The following NCKAP5 variants were observed in gnomAD, a reference collection of about 807,000 sequenced individuals.
NCKAP5 encodes nck-associated protein 5.
A neutral mutation model predicts 167.0 loss-of-function variants in NCKAP5; 92 were observed. The observed-to-expected ratio is 0.55, with a 90% CI of 0.47 to 0.66. The LOEUF is 0.66. Ranked by LOEUF, NCKAP5 falls within the 30% of genes least tolerant of loss-of-function variation. NCKAP5 has a pLI of 0.00. For synonymous variants in NCKAP5, 891 were observed against 877.4 expected, an observed-to-expected ratio of 1.02 and a Z score of -0.27; for missense variants, 2,378 against 2,315.0, an observed-to-expected ratio of 1.03 and a Z score of -0.56.
the NCKAP5 span, among the ~76,000 whole-genome samples, chr2:133,634,874 C>CT: frequency 0.067 from 9,589 of 143,418 alleles, 404 homozygotes; most frequent in African/African-American, 0.11. Flanking sequence ...TCTTTTCTTT[C>CT]TTTTTTTTTT....
intron 5 of NCKAP5, among the ~76,000 whole-genome samples, chr2:133,181,703 C>T (rs537500192): frequency 2.8e-4 from 41 of 148,550 alleles, no homozygotes; most frequent in African/African-American, 7.5e-4. Context: ...GCTTGACCCT[C>T]GGAGGCAGAG....
intron 6 of NCKAP5, among the ~76,000 whole-genome samples, chr2:132,995,864 C>T (rs932593361): frequency 3.1e-4 from 47 of 151,958 alleles, no homozygotes; most frequent in African/African-American, 1.1e-3. Context: ...AATCCAGCTA[C>T]TCCGGAGGCT....
chr2:133,376,961 T>C (rs1301731376), intron 3 of NCKAP5, among the ~76,000 whole-genome samples: 1 of 152,194 alleles, frequency 6.6e-6, no homozygotes, highest in Non-Finnish European at 1.5e-5. Flanking sequence ...CAAAAGAAAT[T>C]GTAAGTAGTG....
At chr2:133,439,716 A>C (rs377012134) in intron 3 of NCKAP5, among the ~76,000 whole-genome samples, 10 of 152,322 alleles carry the variant, frequency 6.6e-5, no homozygotes, top group South Asian at 2.1e-4. Context: ...ATGAGTCAGT[A>C]TACCCCTATA....
intron 8 of NCKAP5, among the ~76,000 whole-genome samples, chr2:132,923,919 T>C (rs573542609): frequency 6.6e-6 from 1 of 152,306 alleles, no homozygotes; most frequent in South Asian, 2.1e-4. Context: ...CTAACCATAT[T>C]TGGATAGGAT....
chr2:133,342,032 G>A (rs1258690371), intron 3 of NCKAP5, among the ~76,000 whole-genome samples: 1 of 151,986 alleles, frequency 6.6e-6, no homozygotes, highest in Admixed American at 6.6e-5. Flanking sequence ...TCAGCCTCCC[G>A]GGTTCACGCC....
At chr2:133,668,770 A>G in the NCKAP5 span, among the ~76,000 whole-genome samples, 1 of 152,128 alleles carries the variant, frequency 6.6e-6, no homozygotes, top group Non-Finnish European at 1.5e-5. Context: ...CAAATGTGGC[A>G]TGTTTTCAGC....
At chr2:133,650,876 T>A in the NCKAP5 span, among the ~76,000 whole-genome samples, 1 of 152,122 alleles carries the variant, frequency 6.6e-6, no homozygotes, top group Non-Finnish European at 1.5e-5. Flanking sequence ...AGCAAGACTC[T>A]GTCTTAAATA....
intron 19 of NCKAP5, among the ~76,000 whole-genome samples, chr2:132,704,604 T>C (rs1008368881): frequency 6.6e-6 from 1 of 152,222 alleles, no homozygotes; most frequent in Admixed American, 6.5e-5. Flanking sequence ...ATACTTAAAC[T>C]CAACAGTCCT....
intron 3 of NCKAP5, among the ~76,000 whole-genome samples, chr2:133,448,328 T>C (rs922571967): frequency 2.0e-5 from 3 of 151,952 alleles, no homozygotes; most frequent in African/African-American, 7.3e-5. Context: ...AAATCAAACC[T>C]TTGAATCATT....
intron 9 of NCKAP5, among the ~76,000 whole-genome samples, chr2:132,870,853 G>A (rs371533183): frequency 7.3e-5 from 11 of 151,542 alleles, no homozygotes; most frequent in African/African-American, 2.7e-4. Flanking sequence ...TTAAAACACA[G>A]GCTGTCATCA....
chr2:133,047,377 G>A (rs1379020304), intron 6 of NCKAP5, among the ~76,000 whole-genome samples: 1 of 152,162 alleles, frequency 6.6e-6, no homozygotes, highest in African/African-American at 2.4e-5. Context: ...AGTCATTAAC[G>A]TTGCCAAGAC....
intron 8 of NCKAP5, among the ~76,000 whole-genome samples, chr2:132,943,063 T>A (rs1697419554): frequency 6.6e-6 from 1 of 152,172 alleles, no homozygotes; most frequent in Non-Finnish European, 1.5e-5. Context: ...AAGTAAGAGG[T>A]TCTGGGACTT....
chr2:133,189,076 G>T (rs1262753584), intron 5 of NCKAP5, among the ~76,000 whole-genome samples: 1 of 151,910 alleles, frequency 6.6e-6, no homozygotes, highest in Non-Finnish European at 1.5e-5. Flanking sequence ...GAATCAAATA[G>T]ACACAATAAA....
At position 132,849,226 on chromosome 2, in the gene NCKAP5, G is replaced by GATCCAGCAATCCAGCC. The variant is rs376065021; in HGVS notation, c.807+11265_807+11266insGGCTGGATTGCTGGAT. Among the ~76,000 whole-genome samples the GATCCAGCAATCCAGCC allele has an allele frequency of 7.6e-3, 1,153 of 152,116 alleles. 14 individuals are homozygous for GATCCAGCAATCCAGCC. Among genetic ancestry groups the GATCCAGCAATCCAGCC allele is most frequent in the African/African-American group, 0.027 (1,102 of 41,458 alleles). The stretch of plus-strand genomic sequence containing the variant: ...TTCTCAGATACTCAAAGGATTCTGT[G>GATCCAGCAATCCAGCC]ATCCAGCCATGGCTCCCCCTCTTTT... On this transcript the variant is annotated intron_variant, in intron 11 of 19. Transcript: ENST00000409261.
rs930020596 is a variant in NCKAP5, at chr2:132,671,939, A to G, written c.*1350T>C. ...ATTAACCAAATAACACTGATCATAC[A>G]ATACTCTTTAAAGAAACAATTATGT... On this transcript the variant is annotated 3_prime_UTR_variant, in exon 20 of 20. Transcript: ENST00000409261. 1.3e-5 allele frequency: 2 copies of G among 152,674 alleles called. No individual in the cohort carries two copies. The highest frequency in any genetic ancestry group is 1.3e-4 in the Admixed American group (2 of 15,280). 9.5% of individuals were successfully genotyped at this position (152,674 alleles called of 1,614,324 possible).
At chr2:133,016,626 T>C (rs2078347296) in intron 6 of NCKAP5, among the ~76,000 whole-genome samples, 1 of 152,134 alleles carries the variant, frequency 6.6e-6, no homozygotes, top group Non-Finnish European at 1.5e-5. Context: ...CATAATAAAA[T>C]GAGAGAAGGT....
chr2:133,216,343 G>C (rs2086428573), intron 4 of NCKAP5, among the ~76,000 whole-genome samples: 1 of 151,994 alleles, frequency 6.6e-6, no homozygotes, highest in African/African-American at 2.4e-5. Flanking sequence ...AACCAATCTG[G>C]ACTGCAGCAA....
rs140539400 is a variant in NCKAP5, at chr2:132,850,427, G to A, written c.807+10065C>T. Reference sequence around the variant, plus strand: ...GCGGGCAGTGGGTAATTTAAGGCAGGAAGCTTTGGACCGGAGAGAACCCTG... The same window carrying A: ...GCGGGCAGTGGGTAATTTAAGGCAGAAAGCTTTGGACCGGAGAGAACCCTG... On this transcript the variant is annotated intron_variant, in intron 11 of 19. Transcript: ENST00000409261. Among the ~76,000 whole-genome samples the A allele has an allele frequency of 4.5e-4, 68 of 152,168 alleles. 1 individual carries two copies. The highest frequency in any genetic ancestry group is 1.3e-3 in the African/African-American group (55 of 41,530).
Sources: allele counts gnomAD v4.1 joint callset (sites outside exome capture counted in the v4.1 genomes callset), GRCh38; gene constraint gnomAD v4.1.1; transcripts MANE v1.5; gene names NCBI Gene and HGNC (gene_info 2026-07-23, HGNC 2026-07-21).